Variants in NRXN1 observed in about 807,000 individuals in gnomAD.
NRXN1 encodes neurexin 1.
In NRXN1, 39 loss-of-function variants were observed where a neutral mutation model predicts 150.9. The ratio of observed to expected loss-of-function variants is 0.26; its 90% confidence interval spans 0.20 to 0.34. The LOEUF (loss-of-function observed/expected upper bound fraction) is 0.34, where lower values mean the gene tolerates loss of function less well. Ranked by LOEUF, NRXN1 falls within the 10% of genes least tolerant of loss-of-function variation. The pLI, the probability that NRXN1 is intolerant of heterozygous loss-of-function variation, is 1.00. For synonymous variants in NRXN1, 924 were observed against 757.0 expected, an observed-to-expected ratio of 1.22 and a Z score of -3.62; for missense variants, 1,815 against 1,949.9, an observed-to-expected ratio of 0.93 and a Z score of 1.30.
At chr2:50,772,949 T>G (rs1199478896) in intron 5 of NRXN1, among the ~76,000 whole-genome samples, 4 of 152,144 alleles carry the variant, frequency 2.6e-5, no homozygotes, top group African/African-American at 7.2e-5. Context: ...TCCATCATAT[T>G]GCCAATAAAG....
At chr2:50,332,706 C>T (rs962013759) in intron 17 of NRXN1, among the ~76,000 whole-genome samples, 1 of 152,156 alleles carries the variant, frequency 6.6e-6, no homozygotes, top group East Asian at 1.9e-4. Flanking sequence ...TTTAATAATT[C>T]CCAGCAAGTA....
At chr2:50,413,350 T>C (rs894639230) in intron 17 of NRXN1, among the ~76,000 whole-genome samples, 1 of 151,006 alleles carries the variant, frequency 6.6e-6, no homozygotes, top group Admixed American at 6.6e-5. Context: ...ATATCACAGA[T>C]CATCGGAGAA....
chr2:50,489,459 C>A (rs898641208), intron 15 of NRXN1, among the ~76,000 whole-genome samples: 1 of 151,136 alleles, frequency 6.6e-6, no homozygotes, highest in African/African-American at 2.5e-5. Flanking sequence ...CACTAGCAGT[C>A]AATTGAGATT....
At chr2:50,931,909 T>G (rs995632925) in intron 2 of NRXN1, among the ~76,000 whole-genome samples, 1 of 151,988 alleles carries the variant, frequency 6.6e-6, no homozygotes, top group African/African-American at 2.4e-5. Flanking sequence ...TTGCCAAGAC[T>G]GGAGTGCAGT....
chr2:50,963,660 C>T (rs1470855067), intron 2 of NRXN1, among the ~76,000 whole-genome samples: 1 of 151,624 alleles, frequency 6.6e-6, no homozygotes, highest in Admixed American at 6.6e-5. Context: ...CATTGACATA[C>T]ATGTTTAAGC....
chr2:50,993,592 C>G (rs1698861719), intron 2 of NRXN1, among the ~76,000 whole-genome samples: 3 of 151,890 alleles, frequency 2.0e-5, no homozygotes, highest in African/African-American at 4.8e-5. Context: ...TCTTTGTCAG[C>G]CCCACTTTAA....
intron 17 of NRXN1, among the ~76,000 whole-genome samples, chr2:50,249,902 T>A (rs1213037507): frequency 6.6e-6 from 1 of 152,114 alleles, no homozygotes; most frequent in Non-Finnish European, 1.5e-5. Flanking sequence ...CCACCCAAAG[T>A]GTTGGGATTA....
chr2:49,929,074 G>A (rs1448910815), intron 22 of NRXN1, among the ~76,000 whole-genome samples: 1 of 152,126 alleles, frequency 6.6e-6, no homozygotes, highest in African/African-American at 2.4e-5. Context: ...TTGAAGGGCA[G>A]TTAAGGGGCC....
intron 18 of NRXN1, among the ~76,000 whole-genome samples, chr2:50,148,557 A>G (rs973364): frequency 0.33 from 50,156 of 151,436 alleles, 8,757 homozygotes; most frequent in Non-Finnish European, 0.38. Context: ...TCCTGAACAC[A>G]GGTCCATTGC....
At chr2:50,439,481 T>A (rs1257734819) in intron 17 of NRXN1, among the ~76,000 whole-genome samples, 1 of 152,048 alleles carries the variant, frequency 6.6e-6, no homozygotes, top group African/African-American at 2.4e-5. Context: ...GAGCCTGATA[T>A]ACAAAGCAAT....
intron 17 of NRXN1, among the ~76,000 whole-genome samples, chr2:50,440,299 A>G (rs1426116163): frequency 6.6e-6 from 1 of 152,144 alleles, no homozygotes; most frequent in Non-Finnish European, 1.5e-5. Context: ...AGATTCTTAG[A>G]GCTGGACTTA....
At chr2:50,883,565 A>C (rs548859606) in intron 5 of NRXN1, among the ~76,000 whole-genome samples, 3 of 151,982 alleles carry the variant, frequency 2.0e-5, no homozygotes, top group African/African-American at 7.2e-5. Context: ...AATACTACAC[A>C]GAATCAAGTG....
intron 18 of NRXN1, among the ~76,000 whole-genome samples, chr2:50,138,729 G>A (rs187991626): frequency 1.2e-4 from 18 of 152,180 alleles, no homozygotes; most frequent in East Asian, 3.9e-4. Flanking sequence ...GGGCTGTGCC[G>A]CCCTCTGATT....
intron 5 of NRXN1, among the ~76,000 whole-genome samples, chr2:50,850,574 A>G (rs1316098348): frequency 6.6e-6 from 1 of 152,098 alleles, no homozygotes; most frequent in Non-Finnish European, 1.5e-5. Context: ...ATAAATTGAA[A>G]CCTACTAGCC....
At chr2:49,967,091 GAC>G (rs1416728229) in intron 21 of NRXN1, among the ~76,000 whole-genome samples, 1 of 152,050 alleles carries the variant, frequency 6.6e-6, no homozygotes, top group Non-Finnish European at 1.5e-5. Context: ...GTAGTCTTAT[GAC>G]ACACAGTGCA....
At chr2:50,940,641 G>C (rs1574997283) in intron 2 of NRXN1, among the ~76,000 whole-genome samples, 1 of 152,068 alleles carries the variant, frequency 6.6e-6, no homozygotes, top group African/African-American at 2.4e-5. Flanking sequence ...GATGAAAGTT[G>C]CATACTCCTT....
chr2:50,094,757 G>T (rs1452784), intron 18 of NRXN1, among the ~76,000 whole-genome samples: 1 of 124,574 alleles, frequency 8.0e-6, no homozygotes, highest in Non-Finnish European at 1.7e-5. Flanking sequence ...AGAAAACTGA[G>T]AAAAGAAAAG....
At chr2:50,571,969 G>A (rs1268862425) in intron 8 of NRXN1, among the ~76,000 whole-genome samples, 2 of 152,112 alleles carry the variant, frequency 1.3e-5, no homozygotes, top group Non-Finnish European at 2.9e-5. Flanking sequence ...GAGTAATCTC[G>A]ATTTTTGGCA....
intron 17 of NRXN1, among the ~76,000 whole-genome samples, chr2:50,355,046 A>G (rs1439165507): frequency 2.0e-5 from 3 of 152,112 alleles, no homozygotes; most frequent in Non-Finnish European, 4.4e-5. Flanking sequence ...GAAATCATGT[A>G]CCATATGTTT....
Sources: allele counts gnomAD v4.1 joint callset (sites outside exome capture counted in the v4.1 genomes callset), GRCh38; gene constraint gnomAD v4.1.1; transcripts MANE v1.5; gene names NCBI Gene and HGNC (gene_info 2026-07-23, HGNC 2026-07-21).